CWC27: variants seen among roughly 807,000 people sequenced by gnomAD.
The protein encoded by CWC27 is CWC27 spliceosome associated cyclophilin.
CWC27 carries 47 observed loss-of-function variants against 63.6 expected under a neutral mutation model. The ratio of observed to expected loss-of-function variants is 0.74; its 90% CI spans 0.58 to 0.94. The LOEUF is 0.94. Ranked by LOEUF, CWC27 falls within the 40% of genes least tolerant of loss-of-function variation. The pLI, the probability that CWC27 is intolerant of heterozygous loss-of-function variation, is 0.00. For missense variants in CWC27, 495 were observed against 554.3 expected (o/e 0.89, Z 1.07); for synonymous variants, 175 against 179.8 (o/e 0.97, Z 0.22).
intron 11 of CWC27, among the ~76,000 whole-genome samples, chr5:64,946,663 T>C (rs12519598): frequency 0.13 from 19,500 of 152,174 alleles, 1,762 homozygotes; most frequent in Admixed American, 0.27. Flanking sequence ...AGATGTTTAT[T>C]AATGAAACTA....
chr5:64,813,764 A>G (rs1036772589), intron 10 of CWC27, among the ~76,000 whole-genome samples: 5 of 152,218 alleles, frequency 3.3e-5, no homozygotes, highest in African/African-American at 1.2e-4. Flanking sequence ...TTTTTAGGCC[A>G]TATACTGTGA....
chr5:64,840,383 AAAAAAAAAAAAATATAT>A (rs1194916091), intron 10 of CWC27, among the ~76,000 whole-genome samples: 5 of 72,072 alleles, frequency 6.9e-5, no homozygotes, highest in African/African-American at 2.6e-4. Flanking sequence ...AAAAAAAAAA[AAAAAAAAAAAAATATAT>A]ATATATATAT....
chr5:65,008,385 AT>A, intron 13 of CWC27, among the ~76,000 whole-genome samples: 1 of 152,376 alleles, frequency 6.6e-6, no homozygotes, highest in East Asian at 1.9e-4. Context: ...ATGCCTAAGT[AT>A]ACAACAGAGT....
Position 64,918,008 on chromosome 5 carries a change from G to A in CWC27, c.1042+32462G>A, listed in dbSNP as rs922585721. On this transcript the variant is annotated intron_variant, in intron 11 of 13. Transcript: ENST00000381070. ...CTGGAGAATCCTGATTAATATACCC[G>A]ATAAATTCAAAACAAAACAAAACTT... is the stretch of plus-strand genomic sequence containing the variant. 6.6e-5 allele frequency among the ~76,000 whole-genome samples: 10 copies of A among 151,494 alleles called. No individual in the cohort carries two copies. In the East Asian group the frequency reaches 1.7e-3, roughly 26 times the overall value.
At chr5:64,901,457 C>CAA (rs539302853) in intron 11 of CWC27, among the ~76,000 whole-genome samples, 8 of 72,774 alleles carry the variant, frequency 1.1e-4, no homozygotes, top group Non-Finnish European at 2.0e-4. Context: ...GACTCCATCT[C>CAA]AAAAAAAAAA....
intron 8 of CWC27, among the ~76,000 whole-genome samples, chr5:64,800,870 A>G (rs1323875442): frequency 6.6e-6 from 1 of 152,134 alleles, no homozygotes; most frequent in Non-Finnish European, 1.5e-5. Flanking sequence ...CAGTATCTCA[A>G]GGGGCACTAC....
At chr5:64,962,416 C>T (rs1748930100) in intron 11 of CWC27, among the ~76,000 whole-genome samples, 1 of 152,082 alleles carries the variant, frequency 6.6e-6, no homozygotes, top group South Asian at 2.1e-4. Flanking sequence ...GGATTTTGGA[C>T]CCAAATGGAG....
chr5:64,978,026 C>A (rs1355150992), intron 13 of CWC27, among the ~76,000 whole-genome samples: 9 of 152,076 alleles, frequency 5.9e-5, no homozygotes, highest in Non-Finnish European at 1.5e-5. Context: ...TGTGCCATTA[C>A]CCCAACCCAG....
At chr5:64,971,980 A>T (rs755265502) in intron 12 of CWC27, among the ~76,000 whole-genome samples, 168 bp downstream of exon 12, 10 of 152,346 alleles carry the variant, frequency 6.6e-5, no homozygotes, top group Non-Finnish European at 1.2e-4. Flanking sequence ...ATAAAGATTC[A>T]AACTCTGGAG....
intron 7 of CWC27, among the ~76,000 whole-genome samples, chr5:64,795,008 A>G (rs945158269): frequency 2.0e-5 from 3 of 152,208 alleles, no homozygotes; most frequent in African/African-American, 4.8e-5. Context: ...TACAAGACGT[A>G]GTAACATTTT....
At chr5:64,857,371 A>G (rs572441152) in intron 10 of CWC27, among the ~76,000 whole-genome samples, 57 of 152,334 alleles carry the variant, frequency 3.7e-4, no homozygotes, top group African/African-American at 1.4e-3. Flanking sequence ...TACAAAGCAT[A>G]AAAAAGTGGA....
At chr5:64,932,179 T>A (rs1266149885) in intron 11 of CWC27, among the ~76,000 whole-genome samples, 2 of 152,102 alleles carry the variant, frequency 1.3e-5, no homozygotes, top group Non-Finnish European at 2.9e-5. Flanking sequence ...GAGATTATTC[T>A]TGTTCTTAGG....
intron 11 of CWC27, among the ~76,000 whole-genome samples, chr5:64,929,463 T>C (rs1351284952): frequency 3.3e-5 from 5 of 152,158 alleles, no homozygotes; most frequent in Non-Finnish European, 7.4e-5. Flanking sequence ...CCTCCACTGT[T>C]AAATCTGGAA....
intron 10 of CWC27, among the ~76,000 whole-genome samples, chr5:64,826,076 A>AATCTATCTGTCTATCTATCTATCTATCT (rs1554070972): frequency 2.7e-5 from 4 of 148,316 alleles, no homozygotes; most frequent in Non-Finnish European, 3.0e-5. Flanking sequence ...CTTTGTAATA[A>AATCTATCTGTCTATCTATCTATCTATCT]ATCTATCTAT....
At chr5:64,989,123 T>C (rs541239165) in intron 13 of CWC27, among the ~76,000 whole-genome samples, 1 of 152,304 alleles carries the variant, frequency 6.6e-6, no homozygotes, top group East Asian at 1.9e-4. Flanking sequence ...TTCAGAGCCA[T>C]GCTGGGATAG....
intron 10 of CWC27, among the ~76,000 whole-genome samples, chr5:64,821,974 G>A (rs1177021759): frequency 6.6e-6 from 1 of 152,162 alleles, no homozygotes; most frequent in Non-Finnish European, 1.5e-5. Flanking sequence ...TTGCATGTCT[G>A]CCGGAATTGG....
chr5:64,771,940 G>A lies in CWC27; in HGVS notation c.43-2751G>A, dbSNP rs529567951. On this transcript the variant is annotated intron_variant, in intron 1 of 13. Transcript: ENST00000381070. ...AAGTTGCCTGTGGCCAAAAAACCAC[G>A]TAATAATGACTATCATTTTTTGAGC... Among the ~76,000 whole-genome samples, 7 of 152,250 alleles carry A rather than the reference G, an allele frequency of 4.6e-5. No homozygotes were observed. In the South Asian group the frequency reaches 6.2e-4, roughly 14 times the overall value.
chr5:64,946,622 C>G (rs1748597159), intron 11 of CWC27, among the ~76,000 whole-genome samples: 1 of 151,830 alleles, frequency 6.6e-6, no homozygotes, highest in South Asian at 2.1e-4. Context: ...AGTTATTCAT[C>G]TGGGCCTTAA....
At chr5:64,966,386 G>A (rs1344116364) in intron 11 of CWC27, among the ~76,000 whole-genome samples, 3 of 152,132 alleles carry the variant, frequency 2.0e-5, no homozygotes, top group Non-Finnish European at 4.4e-5. Context: ...CAGTCAGTGT[G>A]AGTGTATATT....
Sources: gnomAD v4.1 joint callset for allele counts (sites outside exome capture counted in the v4.1 genomes callset) on GRCh38, gnomAD v4.1.1 for gene constraint, MANE v1.5 for transcripts, NCBI Gene and HGNC (gene_info 2026-07-23, HGNC 2026-07-21) for gene names.